The following IL1RAPL2 variants were observed in gnomAD, a reference collection of about 807,000 sequenced individuals.
IL1RAPL2 encodes the protein interleukin 1 receptor accessory protein like 2.
In IL1RAPL2, 3 loss-of-function variants were observed where a neutral mutation model predicts 44.1. The observed-to-expected ratio is 0.07, with a 90% CI of 0.03 to 0.18. IL1RAPL2 has a LOEUF of 0.18. IL1RAPL2 is among the 10% of genes least tolerant of loss of function. The pLI is 1.00. For missense variants in IL1RAPL2, 391 were observed against 496.4 expected (o/e 0.79, Z 2.02); for synonymous variants, 181 against 178.8 (o/e 1.01, Z -0.10).
intron 7 of IL1RAPL2, among the ~76,000 whole-genome samples, chrX:105,725,526 T>C (rs369876740): frequency 2.7e-5 from 3 of 111,466 alleles, no homozygotes; most frequent in East Asian, 5.7e-4. Context: ...GAAGGTGATA[T>C]AAGCATGAAA....
intron 1 of IL1RAPL2, among the ~76,000 whole-genome samples, chrX:104,643,317 C>T (rs1002247924): frequency 9.0e-6 from 1 of 111,554 alleles, no homozygotes; most frequent in African/African-American, 3.3e-5. Flanking sequence ...TATGTGAACA[C>T]CAGTGATCTG....
chrX:104,909,781 G>T (rs969752845), intron 2 of IL1RAPL2, among the ~76,000 whole-genome samples: 2 of 112,628 alleles, frequency 1.8e-5, no homozygotes, highest in African/African-American at 6.4e-5. Flanking sequence ...GTCTGCAGAG[G>T]TTACTGCTGT....
intron 1 of IL1RAPL2, among the ~76,000 whole-genome samples, chrX:104,641,758 T>C (rs1290860430): frequency 9.0e-6 from 1 of 111,644 alleles, no homozygotes; most frequent in Non-Finnish European, 1.9e-5. Flanking sequence ...TTAGTCCTGG[T>C]TGTGGAATGC....
At chrX:105,762,203 C>A (rs1052293185) in intron 10 of IL1RAPL2, among the ~76,000 whole-genome samples, 3 of 111,896 alleles carry the variant, frequency 2.7e-5, no homozygotes, top group African/African-American at 9.7e-5. Flanking sequence ...AGATCTAATT[C>A]TATTTCTCCT....
In IL1RAPL2 at chrX:104,587,286, A is replaced by G. The variant is rs771479174; in HGVS notation, c.-20+20235A>G. 2.7e-5 allele frequency among the ~76,000 whole-genome samples: 3 copies of G among 112,002 alleles called. No homozygotes were observed. In the South Asian group the frequency reaches 1.1e-3, roughly 42 times the overall value. On this transcript the variant is annotated intron_variant, in intron 1 of 10. Transcript: ENST00000372582. Reference sequence around the variant, plus strand: ...GGGCAGTGCTTGCTTTGCTATTATCACATTATTTGTCTTCTGCAACCACCA... The same window carrying G: ...GGGCAGTGCTTGCTTTGCTATTATCGCATTATTTGTCTTCTGCAACCACCA...
intron 2 of IL1RAPL2, among the ~76,000 whole-genome samples, chrX:104,703,852 C>T (rs959694855): frequency 2.7e-5 from 3 of 112,136 alleles, no homozygotes; most frequent in African/African-American, 9.7e-5. Flanking sequence ...ATGTCAGATT[C>T]CAAACCTTCA....
chrX:105,728,830 A>ATAGT (rs1397067766), intron 7 of IL1RAPL2, among the ~76,000 whole-genome samples: 1 of 111,685 alleles, frequency 9.0e-6, no homozygotes, highest in Non-Finnish European at 1.9e-5. Context: ...ATCATACAGA[A>ATAGT]TAGTTTCACT....
chrX:105,106,992 C>A (rs192939948), intron 2 of IL1RAPL2, among the ~76,000 whole-genome samples: 14 of 111,944 alleles, frequency 1.3e-4, no homozygotes, highest in African/African-American at 4.2e-4. Flanking sequence ...GACTCATACA[C>A]AACTGATTAT....
intron 6 of IL1RAPL2, among the ~76,000 whole-genome samples, chrX:105,687,572 T>G (rs1220040260): frequency 1.8e-5 from 2 of 110,084 alleles, no homozygotes; most frequent in Non-Finnish European, 3.8e-5. Flanking sequence ...GCTCAGAAAT[T>G]GAAATAATAA....
intron 2 of IL1RAPL2, among the ~76,000 whole-genome samples, chrX:104,776,951 T>C (rs1932728556): frequency 8.9e-6 from 1 of 111,923 alleles, no homozygotes; most frequent in Admixed American, 9.5e-5. Flanking sequence ...TACATTTCAT[T>C]TAACCATCGT....
intron 2 of IL1RAPL2, among the ~76,000 whole-genome samples, chrX:104,702,169 A>G (rs1316185322): frequency 9.0e-6 from 1 of 111,643 alleles, no homozygotes; most frequent in Non-Finnish European, 1.9e-5. Flanking sequence ...TCATAGAGAC[A>G]TTTGCTTTTG....
chrX:105,463,502 G>A (rs189808509), intron 5 of IL1RAPL2, among the ~76,000 whole-genome samples: 1 of 110,155 alleles, frequency 9.1e-6, no homozygotes, highest in East Asian at 2.9e-4. Flanking sequence ...TCCTGTTTAT[G>A]TGAAAACAGG....
intron 5 of IL1RAPL2, among the ~76,000 whole-genome samples, chrX:105,356,162 A>G (rs765944571): frequency 1.2e-3 from 120 of 103,285 alleles, no homozygotes; most frequent in African/African-American, 3.8e-3. Flanking sequence ...GTGTGTGTGT[A>G]TGTGTGTGTG....
intron 2 of IL1RAPL2, among the ~76,000 whole-genome samples, chrX:104,988,212 T>G (rs1288622338): frequency 8.9e-6 from 1 of 112,327 alleles, no homozygotes; most frequent in African/African-American, 3.2e-5. Flanking sequence ...CAACTCAGCA[T>G]TTTCTTGTCA....
intron 2 of IL1RAPL2, among the ~76,000 whole-genome samples, chrX:104,917,153 C>G (rs1006468853): frequency 4.5e-5 from 5 of 111,550 alleles, no homozygotes; most frequent in African/African-American, 1.6e-4. Flanking sequence ...GGTACCAGCT[C>G]CTCTTTGTAC....
chrX:105,325,576 T>TATATATATAC (rs61264130), intron 5 of IL1RAPL2, among the ~76,000 whole-genome samples: 72 of 93,707 alleles, frequency 7.7e-4, no homozygotes, highest in African/African-American at 2.9e-3. Flanking sequence ...TATATATATA[T>TATATATATAC]ACACATATGT....
intron 3 of IL1RAPL2, among the ~76,000 whole-genome samples, chrX:105,212,405 C>A (rs1556159235): frequency 9.0e-6 from 1 of 111,424 alleles, no homozygotes; most frequent in Non-Finnish European, 1.9e-5. Context: ...CAGGCTGCTT[C>A]TCTAGATTCC....
At chrX:105,488,093 C>T (rs1348461423) in intron 6 of IL1RAPL2, among the ~76,000 whole-genome samples, 1 of 112,009 alleles carries the variant, frequency 8.9e-6, no homozygotes. Context: ...TTTTAGACAA[C>T]ATCATGGTAG....
chrX:105,560,313 T>C (rs1176394359), intron 6 of IL1RAPL2, among the ~76,000 whole-genome samples: 1 of 112,342 alleles, frequency 8.9e-6, no homozygotes, highest in Non-Finnish European at 1.9e-5. Context: ...AGAATACTAA[T>C]GCCTACTTGT....
Sources: gnomAD v4.1 joint callset for allele counts (sites outside exome capture counted in the v4.1 genomes callset) on GRCh38, gnomAD v4.1.1 for gene constraint, MANE v1.5 for transcripts, NCBI Gene and HGNC (gene_info 2026-07-23, HGNC 2026-07-21) for gene names.